CYP11B1: variants seen among roughly 807,000 people sequenced by gnomAD.
CYP11B1 encodes the protein cytochrome P450 11B1, mitochondrial.
A neutral mutation model predicts 48.3 loss-of-function variants in CYP11B1; 34 were observed. The observed-to-expected ratio is 0.70, with a 90% CI of 0.54 to 0.94. The LOEUF (loss-of-function observed/expected upper bound fraction) is 0.94, where lower values mean the gene tolerates loss of function less well. Ranked by LOEUF, CYP11B1 falls within the 40% of genes least tolerant of loss-of-function variation. The pLI, the probability that CYP11B1 is intolerant of heterozygous loss-of-function variation, is 0.00. For synonymous variants in CYP11B1, 291 were observed against 262.5 expected (o/e 1.11, Z -1.05); for missense variants, 688 against 657.4 (o/e 1.05, Z -0.51).
chr8:142,874,266 A>C lies in CYP11B1; in HGVS notation c.*107T>G. ...ATTTGTGCTGGGGCTGGTTAGACAGAGGGGTGACTCAGGAAGCTGTGCATG... is the reference window on the plus strand; with the variant it reads ...ATTTGTGCTGGGGCTGGTTAGACAGCGGGGTGACTCAGGAAGCTGTGCATG... On this transcript the variant is annotated 3_prime_UTR_variant, in exon 9 of 9. Transcript: ENST00000292427. 3 of 816,138 alleles carry C rather than the reference A, an allele frequency of 3.7e-6. No homozygotes were observed. In the South Asian group the frequency reaches 4.1e-5, roughly 11 times the overall value. 50.6% of individuals were successfully genotyped at this position (816,138 alleles called of 1,614,324 possible). A position where few individuals can be genotyped will look rare whatever the true frequency, so the allele number is the denominator to read the frequency against.
intron 4 of CYP11B1, 84 bp downstream of exon 4, chr8:142,876,598 A>G (rs941915650): frequency 1.3e-6 from 2 of 1,559,192 alleles, no homozygotes; most frequent in African/African-American, 2.7e-5. Context: ...TGTGGCCTCC[A>G]TTCCCCACTG....
Position 142,875,834 on chromosome 8 carries a change from G to A in CYP11B1, c.999C>T (p.Asn333=), listed in dbSNP as rs1816926228. The A allele has an allele frequency of 1.2e-6, 2 of 1,614,108 alleles. No homozygotes were observed. The highest frequency in any genetic ancestry group is 1.7e-6 in the Non-Finnish European group (2 of 1,180,012). Residue 333 remains asparagine, a synonymous_variant, in exon 6 of 9, where the codon AAC becomes AAT. Coordinates refer to ENST00000292427, the MANE Select transcript of CYP11B1 (RefSeq NM_000497.4). ...LLMTLFELAR[N]PNVQQALRQE... is the part of the protein sequence containing the mutation. Reference sequence around the variant, plus strand: ...GGCGCAGGGCCTGCTGCACGTTGGGGTTCCGAGCCAGCTCAAAGAGCGTCA... The same window carrying A: ...GGCGCAGGGCCTGCTGCACGTTGGGATTCCGAGCCAGCTCAAAGAGCGTCA...
In CYP11B1 at chr8:142,877,148, A is replaced by T. The variant is rs1816984661; in HGVS notation, c.470T>A (p.Phe157Tyr). ...GGCCACTGCATCCACCATCGGGAGG[A>T]ACCTCTGCACAGCGTTGGGCGACAG... ...EVLSPNAVQR[F>Y]LPMVDAVARD... is the part of the protein sequence containing the mutation. The change falls in exon 3 of 9, where the codon TTC becomes TAC. Residue 157 changes from phenylalanine to tyrosine, a missense_variant. Physicochemically the swap from Phe to Tyr is conservative, Grantham distance 22 (BLOSUM62 3). Transcript: ENST00000292427. 2 of 1,614,100 alleles carry T rather than the reference A, an allele frequency of 1.2e-6. No individual in the cohort carries two copies. Among genetic ancestry groups the T allele is most frequent in the African/African-American group, 2.7e-5 (2 of 75,004 alleles).
chr8:142,879,759 G>A lies in CYP11B1; in HGVS notation c.55C>T (p.Gln19Ter), dbSNP rs763195324. ...CTCGTGCCCAGTGCCTGTGCCCTTT[G>A]CAGGGACAGCCAGGGCACTGCCATG... is the stretch of plus-strand genomic sequence containing the variant. Reference protein sequence around the residue: ...VCMAVPWLSLQRAQALGTRAA... With the variant: ...VCMAVPWLSL Residue 19 changes from glutamine to a stop codon, truncating the protein, a stop_gained, in exon 1 of 9, where the codon CAA (glutamine) becomes TAA (stop). Coordinates refer to ENST00000292427, the MANE Select transcript of CYP11B1 (RefSeq NM_000497.4). LOFTEE classifies it high-confidence loss of function. 42 of 1,614,178 alleles carry A rather than the reference G, an allele frequency of 2.6e-5. No homozygotes were observed. Among genetic ancestry groups the A allele is most frequent in the Non-Finnish European group, 3.5e-5 (41 of 1,180,032 alleles).
Position 142,874,249 on chromosome 8 carries a change from T to TGG in CYP11B1, c.*122_*123dup. On this transcript the variant is annotated 3_prime_UTR_variant, in exon 9 of 9. Transcript: ENST00000292427. Reference sequence around the variant, plus strand: ...AGGCCCTCGGGAGTTCCATTTGTGCTGGGGCTGGTTAGACAGAGGGGTGAC... The same window carrying TGG: ...AGGCCCTCGGGAGTTCCATTTGTGCTGGGGGGCTGGTTAGACAGAGGGGTGAC... 1.3e-6 allele frequency: 1 copy of TGG among 761,010 alleles called. No homozygotes were observed. The highest frequency in any genetic ancestry group is 2.4e-6 in the Non-Finnish European group (1 of 418,280). 47.1% of individuals were successfully genotyped at this position (761,010 alleles called of 1,614,324 possible).
intron 5 of CYP11B1, 129 bp downstream of exon 5, chr8:142,876,112 C>A (rs1586558511): frequency 1.5e-6 from 2 of 1,367,450 alleles, no homozygotes; most frequent in East Asian, 2.4e-5. Flanking sequence ...ACATCACAAT[C>A]CCAAGTAAGA....
At chr8:142,874,550 T>G in intron 8 of CYP11B1, 64 bp from the exon 9 acceptor site, 1 of 1,112,756 alleles carries the variant, frequency 9.0e-7, no homozygotes, top group Non-Finnish European at 1.4e-6. Context: ...TGCAGCCTTC[T>G]CAGACCCTCA....
rs1346588751 is a variant in CYP11B1, at chr8:142,879,787, C to T, written c.27G>A (p.Val9=). 3.7e-6 allele frequency: 6 copies of T among 1,613,976 alleles called. No homozygotes were observed. Among genetic ancestry groups the T allele is most frequent in the Admixed American group, 3.3e-5 (2 of 60,014 alleles). The change falls in exon 1 of 9, where the codon GTG becomes GTA. Residue 9 remains valine (V), a synonymous_variant. Transcript: ENST00000292427. ...GGGACAGCCAGGGCACTGCCATGCA[C>T]ACCTCTGCCTTTGCCCTGAGTGCCA... The part of the protein sequence containing the change: MALRAKAE[V]CMAVPWLSLQ...
At position 142,879,203 on chromosome 8, in the gene CYP11B1, C is replaced by G. The variant is rs375055135; in HGVS notation, c.240-16G>C. On this transcript the variant is annotated splice_polypyrimidine_tract_variant and intron_variant, in intron 1 of 8. Coordinates refer to ENST00000292427, the MANE Select transcript of CYP11B1 (RefSeq NM_000497.4). ...CAAGTCGTACCTGTGGGGCCAAGCA[C>G]GAGGCCGTGCTGGATGGGACCATGT... 55 of 1,613,826 alleles carry G rather than the reference C, an allele frequency of 3.4e-5. No individual in the cohort carries two copies. The highest frequency in any genetic ancestry group is 4.1e-5 in the Non-Finnish European group (48 of 1,180,014).
At chr8:142,878,756 A>C (rs115872964) in intron 2 of CYP11B1, among the ~76,000 whole-genome samples, 1 of 152,198 alleles carries the variant, frequency 6.6e-6, no homozygotes, top group Non-Finnish European at 1.5e-5. Flanking sequence ...GCATCGGCCA[A>C]GGTTGGTGCA....
At chr8:142,878,778 C>T (rs1393409898) in intron 2 of CYP11B1, among the ~76,000 whole-genome samples, 5 of 152,188 alleles carry the variant, frequency 3.3e-5, no homozygotes, top group Admixed American at 2.0e-4. Flanking sequence ...AGCGGGTTCT[C>T]ACTACACAGA....
At chr8:142,876,617 A>G (rs1044360178) in intron 4 of CYP11B1, 65 bp downstream of exon 4, 3 of 1,569,600 alleles carry the variant, frequency 1.9e-6, no homozygotes, top group Non-Finnish European at 2.6e-6. Context: ...TGGGTGGTGG[A>G]GAGGGAGAAA....
At chr8:142,879,353 C>T (rs372285859) in intron 1 of CYP11B1, 166 bp from the exon 2 acceptor site, 1 of 1,607,544 alleles carries the variant, frequency 6.2e-7, no homozygotes, top group Non-Finnish European at 8.5e-7. Context: ...AACTTCAGTG[C>T]CTCTGAGTCC....
chr8:142,879,085 C>T lies in CYP11B1; in HGVS notation c.342G>A (p.Glu114=). 1.2e-6 allele frequency: 2 copies of T among 1,614,062 alleles called. No individual in the cohort carries two copies. Among genetic ancestry groups the T allele is most frequent in the Middle Eastern group, 1.6e-4 (1 of 6,062 alleles). The change falls in exon 2 of 9, where the codon GAG becomes GAA. Residue 114 remains glutamate (E), a synonymous_variant. Transcript: ENST00000292427. ...GATGTTGTCTGTAGGCCACCCAGGG[C>T]TCCAGGCTCATCCTGTGGGGATGCA... ...DSLHPHRMSL[E]PWVAYRQHRG...
rs61751146 is a variant in CYP11B1 at position 142,877,264 on chromosome 8, G to A, written c.396-42C>T. ...AGAGCTTGTGAGGCCGCCCCAGCAA[G>A]ACACAGGCCCTGACCCGTATCCCAT... On this transcript the variant is annotated intron_variant, in intron 2 of 8. Transcript: ENST00000292427. 43,412 of 1,548,094 alleles carry A rather than the reference G, an allele frequency of 0.028. 787 individuals carry two copies. Among genetic ancestry groups the A allele is most frequent in the Non-Finnish European group, 0.03 (33,572 of 1,136,664 alleles).
chr8:142,878,771 G>A lies in CYP11B1; in HGVS notation c.395+261C>T, dbSNP rs186725315. On this transcript the variant is annotated intron_variant, in intron 2 of 8. Transcript: ENST00000292427. ...GCATCGGCCAAGGTTGGTGCAGAGC[G>A]GGTTCTCACTACACAGAAGGGCTCA... Among the ~76,000 whole-genome samples the A allele has an allele frequency of 7.4e-3, 1,131 of 152,272 alleles. 11 individuals carry two copies. The highest frequency in any genetic ancestry group is 0.014 in the Middle Eastern group (4 of 294).
intron 2 of CYP11B1, chr8:142,877,612 T>C (rs1169433680): frequency 4.3e-5 from 32 of 742,068 alleles, no homozygotes; most frequent in Non-Finnish European, 7.2e-5. Flanking sequence ...ACCCACACAG[T>C]GTCCTGAGGG....
At chr8:142,875,352 A>T (rs774884519) in intron 6 of CYP11B1, 40 bp from the exon 7 acceptor site, 3 of 1,580,460 alleles carry the variant, frequency 1.9e-6, no homozygotes, top group Non-Finnish European at 2.6e-6. Flanking sequence ...CCTCAGCTGG[A>T]TGGGGCTTCC....
At position 142,879,187 on chromosome 8, in the gene CYP11B1, C is replaced by T; in HGVS notation, c.240G>A (p.Arg80=). 6.2e-7 allele frequency: 1 copy of T among 1,614,090 alleles called. No individual in the cohort carries two copies. Among genetic ancestry groups the T allele is most frequent in the Non-Finnish European group, 8.5e-7 (1 of 1,180,010 alleles). ...CCATGCCTGCTCCTCCCAAGTCGTA[C>T]CTGTGGGGCCAAGCACGAGGCCGTG... is the stretch of plus-strand genomic sequence containing the variant. ...QTFQELGPIF[R]YDLGGAGMVC... The change falls in exon 2 of 9, where the codon AGG becomes AGA. Residue 80 remains arginine (R), a splice_region_variant and synonymous_variant. Transcript: ENST00000292427.
Sources: gnomAD v4.1 joint callset for allele counts (sites outside exome capture counted in the v4.1 genomes callset) on GRCh38, gnomAD v4.1.1 for gene constraint, MANE v1.5 for transcripts, NCBI Gene and HGNC (gene_info 2026-07-23, HGNC 2026-07-21) for gene names.